The following TMEM63C variants were observed in gnomAD, a reference collection of about 807,000 sequenced individuals.
TMEM63C encodes the protein osmosensitive cation channel TMEM63C.
A neutral mutation model predicts 99.2 loss-of-function variants in TMEM63C; 32 were observed. The observed-to-expected ratio is 0.32, with a 90% confidence interval of 0.24 to 0.43. The LOEUF (loss-of-function observed/expected upper bound fraction) is 0.43. Among genes scored for constraint, TMEM63C ranks in the 20% least tolerant of loss-of-function variants. The pLI is 1.00. For synonymous variants in TMEM63C, 376 were observed against 397.9 expected (o/e 0.94, Z 0.66); for missense variants, 826 against 1,053.0 (o/e 0.78, Z 2.98).
At position 77,259,452 on chromosome 14, in the gene TMEM63C, T is replaced by C. The variant is rs1373444076; in HGVS notation, c.*2726T>C. ...GTGCCAGAATGCTGAACCTTCTTGT[T>C]AATGCTATGACCGTGCCTTGAATAA... is the stretch of plus-strand genomic sequence containing the variant. On this transcript the variant is annotated 3_prime_UTR_variant, in exon 24 of 24. Transcript: ENST00000298351. 6.5e-6 allele frequency: 1 copy of C among 152,762 alleles called. No homozygotes were observed. The highest frequency in any genetic ancestry group is 2.4e-5 in the African/African-American group (1 of 41,454). 9.5% of individuals were successfully genotyped at this position (152,762 alleles called of 1,614,324 possible).
intron 1 of TMEM63C, among the ~76,000 whole-genome samples, chr14:77,200,640 T>C (rs1452700170): frequency 6.6e-6 from 1 of 152,260 alleles, no homozygotes; most frequent in Non-Finnish European, 1.5e-5. Flanking sequence ...ATCCTGGCTC[T>C]GCTGCCCCTG....
At chr14:77,246,709 G>A (rs765077568) in intron 18 of TMEM63C, 35 bp downstream of exon 18, 1 of 1,577,560 alleles carries the variant, frequency 6.3e-7, no homozygotes, top group Non-Finnish European at 8.7e-7. Flanking sequence ...GGGCTGCTGT[G>A]TGTGCACACA....
intron 15 of TMEM63C, 75 bp downstream of exon 15, chr14:77,243,131 G>C: frequency 4.5e-6 from 7 of 1,564,658 alleles, no homozygotes; most frequent in Non-Finnish European, 6.1e-6. Flanking sequence ...ATGGGATGGG[G>C]GGAGCCCCCT....
chr14:77,203,367 G>A (rs1888335391), intron 1 of TMEM63C, among the ~76,000 whole-genome samples: 1 of 138,976 alleles, frequency 7.2e-6, no homozygotes, highest in African/African-American at 2.7e-5. Context: ...GGGCAAAAGA[G>A]CGAAACTCCA....
intron 1 of TMEM63C, among the ~76,000 whole-genome samples, chr14:77,205,861 A>G (rs1401554831): frequency 6.6e-6 from 1 of 152,024 alleles, no homozygotes; most frequent in Non-Finnish European, 1.5e-5. Flanking sequence ...TTGGCTTTAG[A>G]TCTCCACCCC....
rs138157401 is a variant in TMEM63C at position 77,234,823 on chromosome 14, G to A, written c.542+1323G>A. Among the ~76,000 whole-genome samples the A allele has an allele frequency of 8.0e-4, 122 of 152,270 alleles. 2 individuals carry two copies. In the East Asian group the frequency reaches 0.013, roughly 17 times the overall value. ...TACCCCAGGGGCGGTGCTGCAAACCGTCTGGTCCTCCTCCCCCGAGGCCTG... is the reference window on the plus strand; with the variant it reads ...TACCCCAGGGGCGGTGCTGCAAACCATCTGGTCCTCCTCCCCCGAGGCCTG... On this transcript the variant is annotated intron_variant, in intron 8 of 23. Transcript: ENST00000298351.
At chr14:77,219,419 C>T in intron 3 of TMEM63C, 79 bp from the exon 4 acceptor site, 1 of 1,489,078 alleles carries the variant, frequency 6.7e-7, no homozygotes, top group Non-Finnish European at 9.3e-7. Context: ...AGGGTCTCCC[C>T]CAAGGGAATG....
At chr14:77,248,266 T>C (rs1411408024) in intron 18 of TMEM63C, 81 bp from the exon 19 acceptor site, 1 of 1,273,270 alleles carries the variant, frequency 7.9e-7, no homozygotes, top group African/African-American at 1.5e-5. Flanking sequence ...CCTCTGCTGC[T>C]CTCCTCTCTC....
intron 12 of TMEM63C, 122 bp downstream of exon 12, chr14:77,239,848 C>G: frequency 7.4e-7 from 1 of 1,342,360 alleles, no homozygotes; most frequent in Admixed American, 2.6e-5. Context: ...TAGTGCTCCC[C>G]ACCCAGCTCC....
chr14:77,230,724 C>T (rs540688461), intron 6 of TMEM63C, among the ~76,000 whole-genome samples: 60 of 152,024 alleles, frequency 3.9e-4, no homozygotes, highest in African/African-American at 1.4e-3. Context: ...AATTATCTGC[C>T]CCCCCACCAC....
chr14:77,220,898 ACGCCC>A (rs1455001438), intron 5 of TMEM63C, among the ~76,000 whole-genome samples: 2 of 38,432 alleles, frequency 5.2e-5, no homozygotes, highest in Non-Finnish European at 1.3e-4. Flanking sequence ...CCTCCCACTC[ACGCCC>A]CGCCTCCCAC....
chr14:77,245,350 C>T (rs1219411433), intron 16 of TMEM63C, among the ~76,000 whole-genome samples: 2 of 152,168 alleles, frequency 1.3e-5, no homozygotes, highest in African/African-American at 4.8e-5. Flanking sequence ...GAGATGGCAT[C>T]GGTATGCACA....
chr14:77,254,837 A>C (rs1271119925), intron 23 of TMEM63C, among the ~76,000 whole-genome samples: 1 of 152,240 alleles, frequency 6.6e-6, no homozygotes, highest in Non-Finnish European at 1.5e-5. Flanking sequence ...AGAAATAAGA[A>C]AATAAAAAGT....
intron 1 of TMEM63C, among the ~76,000 whole-genome samples, chr14:77,184,853 T>C (rs1887971560): frequency 6.6e-6 from 1 of 152,098 alleles, no homozygotes. Flanking sequence ...TCACGAAGTA[T>C]GGTGTGTCCT....
At chr14:77,253,455 G>A (rs1594871406) in intron 23 of TMEM63C, 79 bp downstream of exon 23, 2 of 1,391,774 alleles carry the variant, frequency 1.4e-6, no homozygotes, top group African/African-American at 1.4e-5. Context: ...TGTGGGGGAT[G>A]CCAGCTTTGC....
chr14:77,253,989 G>C lies in TMEM63C; in HGVS notation c.2220+613G>C, dbSNP rs563944352. On this transcript the variant is annotated intron_variant, in intron 23 of 23. Coordinates refer to ENST00000298351, the MANE Select transcript of TMEM63C (RefSeq NM_020431.4). ...AGCCACCAATGCACACACTGAGGTG[G>C]GTACTGGGTCAGCCTGTGCCCCAAG... Among the ~76,000 whole-genome samples, 113 of 152,336 alleles carry C rather than the reference G, an allele frequency of 7.4e-4. 1 individual carries two copies. The highest frequency in any genetic ancestry group is 2.5e-3 in the African/African-American group (103 of 41,574).
rs1594857918 is a variant in TMEM63C, at chr14:77,220,622, C to T, written c.312+535C>T. Reference sequence around the variant, plus strand: ...TGTGTGCCAGCCACTGGTCTGGGAGCTGGGGACCAAGTCCTGCCTCATGGC... The same window carrying T: ...TGTGTGCCAGCCACTGGTCTGGGAGTTGGGGACCAAGTCCTGCCTCATGGC... On this transcript the variant is annotated intron_variant, in intron 5 of 23. Coordinates refer to ENST00000298351, the MANE Select transcript of TMEM63C (RefSeq NM_020431.4). Among the ~76,000 whole-genome samples, 3 of 152,272 alleles carry T rather than the reference C, an allele frequency of 2.0e-5. No individual in the cohort carries two copies. In the East Asian group the frequency reaches 5.8e-4, roughly 29 times the overall value.
chr14:77,245,135 C>G (rs1326959800), intron 16 of TMEM63C, among the ~76,000 whole-genome samples: 4 of 152,254 alleles, frequency 2.6e-5, no homozygotes, highest in Non-Finnish European at 5.9e-5. Flanking sequence ...GCCTTTTCCT[C>G]TGGCCAAGAA....
Position 77,253,379 on chromosome 14 carries a change from G to A in TMEM63C, c.2220+3G>A. 6.2e-7 allele frequency: 1 copy of A among 1,607,896 alleles called. No homozygotes were observed. The highest frequency in any genetic ancestry group is 8.5e-7 in the Non-Finnish European group (1 of 1,177,478). On this transcript the variant is annotated splice_donor_region_variant and intron_variant, in intron 23 of 23. Transcript: ENST00000298351. Reference sequence around the variant, plus strand: ...CCTCCTCCACGCCCACCTCCCTCGTGAGTCCTGAGTCCCAGGGACAGGTTG... The same window carrying A: ...CCTCCTCCACGCCCACCTCCCTCGTAAGTCCTGAGTCCCAGGGACAGGTTG...
Sources: allele counts gnomAD v4.1 joint callset (sites outside exome capture counted in the v4.1 genomes callset), GRCh38; gene constraint gnomAD v4.1.1; transcripts MANE v1.5; gene names NCBI Gene and HGNC (gene_info 2026-07-23, HGNC 2026-07-21).